The following PRR5 variants were observed in gnomAD, a reference collection of about 807,000 sequenced individuals.
PRR5 encodes proline rich 5.
In PRR5, 25 loss-of-function variants were observed where a neutral mutation model predicts 30.6. The observed-to-expected ratio is 0.82, with a 90% CI of 0.60 to 1.14. The LOEUF is 1.14. PRR5 is among the 50% of genes most tolerant of loss of function. The probability of loss-of-function intolerance (pLI) is 0.00; values close to 1 mark genes in which losing one functional copy is unlikely to be tolerated. For synonymous variants in PRR5, 286 were observed against 247.1 expected, an observed-to-expected ratio of 1.16 and a Z score of -1.48; for missense variants, 600 against 547.1, an observed-to-expected ratio of 1.10 and a Z score of -0.96.
intron 1 of PRR5, among the ~76,000 whole-genome samples, chr22:44,681,290 T>TA (rs201946438): frequency 1.3e-5 from 2 of 151,196 alleles, no homozygotes; most frequent in Non-Finnish European, 3.0e-5. Context: ...AAATGTTAGT[T>TA]AAAAAAAAAG....
At chr22:44,693,679 A>G (rs1925486534) in intron 1 of PRR5, among the ~76,000 whole-genome samples, 1 of 131,196 alleles carries the variant, frequency 7.6e-6, no homozygotes, top group Non-Finnish European at 1.5e-5. Context: ...GCTGGAGTGC[A>G]GGCTCAGTGG....
intron 2 of PRR5, among the ~76,000 whole-genome samples, chr22:44,715,974 A>C (rs1280575926): frequency 2.0e-5 from 3 of 152,154 alleles, no homozygotes; most frequent in Admixed American, 2.0e-4. Flanking sequence ...CAACAACAAA[A>C]GGAGTTACTG....
At chr22:44,734,964 G>A (rs1223186630) in intron 6 of PRR5, 63 bp from the exon 7 acceptor site, 9 of 1,524,000 alleles carry the variant, frequency 5.9e-6, no homozygotes, top group South Asian at 1.2e-5. Context: ...ACATATGGTT[G>A]AGAGCCTGGA....
At chr22:44,679,841 G>A (rs563750172) in intron 1 of PRR5, 17 of 1,598,926 alleles carry the variant, frequency 1.1e-5, no homozygotes, top group African/African-American at 1.3e-5. Context: ...CCTGGGGCTC[G>A]GGAAGCCCGG....
intron 7 of PRR5, among the ~76,000 whole-genome samples, chr22:44,735,772 AG>A (rs1923119930): frequency 6.6e-6 from 1 of 152,200 alleles, no homozygotes; most frequent in Non-Finnish European, 1.5e-5. Context: ...TCCCAGGCAG[AG>A]GGGACAGAGC....
At chr22:44,730,547 T>C (rs3761483) in intron 4 of PRR5, 256,480 of 988,128 alleles carry the variant, frequency 0.26, 35,166 homozygotes, top group African/African-American at 0.47. Flanking sequence ...ACCGTTCCTC[T>C]CAAGGCCAGC....
At chr22:44,729,754 G>C (rs1190517276) in intron 4 of PRR5, 2 of 985,348 alleles carry the variant, frequency 2.0e-6, no homozygotes, top group African/African-American at 3.5e-5. Context: ...CTCCAGCTGG[G>C]GCCTGGATTC....
chr22:44,682,858 T>C (rs1482748000), intron 1 of PRR5, among the ~76,000 whole-genome samples: 1 of 152,208 alleles, frequency 6.6e-6, no homozygotes, highest in Non-Finnish European at 1.5e-5. Flanking sequence ...GTGCCCACTG[T>C]AGCGGGAGGT....
intron 2 of PRR5, among the ~76,000 whole-genome samples, chr22:44,715,397 G>A (rs5765925): frequency 0.24 from 37,134 of 152,162 alleles, 5,236 homozygotes; most frequent in South Asian, 0.41. Context: ...CCTTCCCCTT[G>A]TTATTCAGGA....
exon 1 of PRR5, chr22:44,677,150 T>C (rs976161288): frequency 1.3e-5 from 2 of 152,354 alleles, no homozygotes; most frequent in Non-Finnish European, 2.9e-5. Context: ...TCAGCCAAGG[T>C]CGCAGAGCAG....
chr22:44,723,625 C>G (rs1930268006), intron 2 of PRR5, among the ~76,000 whole-genome samples: 1 of 152,160 alleles, frequency 6.6e-6, no homozygotes, highest in African/African-American at 2.4e-5. Flanking sequence ...GAGGCTGAGG[C>G]AGGAGATTCA....
At chr22:44,719,507 AC>A (rs1051858867) in intron 2 of PRR5, among the ~76,000 whole-genome samples, 1 of 152,060 alleles carries the variant, frequency 6.6e-6, no homozygotes, top group African/African-American at 2.4e-5. Context: ...TATGTGACCC[AC>A]CCTCTTAGAC....
chr22:44,693,313 C>T (rs543664287), intron 1 of PRR5, among the ~76,000 whole-genome samples: 2 of 152,050 alleles, frequency 1.3e-5, no homozygotes, highest in Non-Finnish European at 2.9e-5. Flanking sequence ...AAAATACAAA[C>T]TAGTCAGGTG....
At chr22:44,714,784 C>A in intron 2 of PRR5, 113 bp downstream of exon 2, 1 of 1,356,286 alleles carries the variant, frequency 7.4e-7, no homozygotes, top group Non-Finnish European at 1.0e-6. Context: ...GTGCTTCCTC[C>A]CCTAGAGGCC....
At chr22:44,696,216 G>A (rs1262980333) in intron 1 of PRR5, among the ~76,000 whole-genome samples, 6 of 152,060 alleles carry the variant, frequency 3.9e-5, no homozygotes, top group Admixed American at 2.0e-4. Context: ...GAGCCACCGC[G>A]TCCAGCCAAT....
intron 4 of PRR5, chr22:44,731,310 G>C (rs1181473578): frequency 3.5e-6 from 1 of 282,874 alleles, no homozygotes; most frequent in African/African-American, 2.2e-5. Flanking sequence ...TCTCACCTGT[G>C]TCAGGCGTAC....
chr22:44,721,960 A>G (rs946240227), intron 2 of PRR5, among the ~76,000 whole-genome samples: 1 of 152,162 alleles, frequency 6.6e-6, no homozygotes, highest in African/African-American at 2.4e-5. Flanking sequence ...TTTGAGACAG[A>G]TGCTGCGTGG....
At chr22:44,694,647 G>C (rs899598277) in intron 1 of PRR5, among the ~76,000 whole-genome samples, 4 of 152,160 alleles carry the variant, frequency 2.6e-5, no homozygotes, top group African/African-American at 9.7e-5. Context: ...GCCCAGCCAT[G>C]TGACCTAGGA....
At chr22:44,674,809 G>T (rs1923628371), upstream of PRR5, among the ~76,000 whole-genome samples, 1 of 152,176 alleles carries the variant, frequency 6.6e-6, no homozygotes, top group Non-Finnish European at 1.5e-5. Context: ...AGCCGGGCAT[G>T]GTGGCATACA....
Sources: allele counts gnomAD v4.1 joint callset (sites outside exome capture counted in the v4.1 genomes callset), GRCh38; gene constraint gnomAD v4.1.1; transcripts MANE v1.5; gene names NCBI Gene and HGNC (gene_info 2026-07-23, HGNC 2026-07-21).